The following GOLGB1 variants were observed in gnomAD, a reference collection of about 807,000 sequenced individuals.
GOLGB1 encodes the protein golgin B1.
GOLGB1 carries 174 observed loss-of-function variants against 336.9 expected under a neutral mutation model. The ratio of observed to expected loss-of-function variants is 0.52; its 90% CI spans 0.46 to 0.59. The LOEUF is 0.59. Ranked by LOEUF, GOLGB1 falls within the 20% of genes least tolerant of loss-of-function variation. The pLI is 0.00. For synonymous variants in GOLGB1, 1,208 were observed against 1,289.2 expected, an observed-to-expected ratio of 0.94 and a Z score of 1.35; for missense variants, 3,331 against 3,645.3, an observed-to-expected ratio of 0.91 and a Z score of 2.22.
chr3:121,664,825 G>C (rs1376501508), intron 21 of GOLGB1, 101 bp downstream of exon 21: 1 of 821,694 alleles, frequency 1.2e-6, no homozygotes, highest in African/African-American at 1.7e-5. Flanking sequence ...TCGCTGCTCA[G>C]TGGCTGGACT....
chr3:121,709,757 A>C (rs1240016287), intron 10 of GOLGB1, among the ~76,000 whole-genome samples: 1 of 152,194 alleles, frequency 6.6e-6, no homozygotes, highest in Admixed American at 6.5e-5. Context: ...TTAAGAAGCT[A>C]TAAAAAGAAG....
rs1436365733 is a variant in GOLGB1 at position 121,664,596 on chromosome 3, A to G, written c.9679T>C (p.Trp3227Arg). 6.2e-7 allele frequency: 1 copy of G among 1,613,924 alleles called. No homozygotes were observed. Among genetic ancestry groups the G allele is most frequent in the Admixed American group, 1.7e-5 (1 of 60,006 alleles). ...SCRRTRSGVG[W>R]KRVLRSLCHS... ...CAGAGTGAACGCAGGACTCGCTTCC[A>G]TCCAACGCCACTCCGGGTCTGAAAG... Residue 3227 changes from tryptophan to arginine, a missense_variant, in exon 22 of 22, where the codon TGG (tryptophan) becomes CGG (arginine). By Grantham distance (101) the Trp-to-Arg change is moderately radical. Coordinates refer to ENST00000614479, the MANE Select transcript of GOLGB1 (RefSeq NM_001366282.2).
At chr3:121,683,345 T>C (rs1194471331) in intron 14 of GOLGB1, among the ~76,000 whole-genome samples, 3 of 152,132 alleles carry the variant, frequency 2.0e-5, no homozygotes, top group Non-Finnish European at 4.4e-5. Context: ...AAGGGTATTG[T>C]TCCAAATAAA....
intron 5 of GOLGB1, 30 bp downstream of exon 5, chr3:121,726,883 T>C: frequency 6.5e-7 from 1 of 1,530,456 alleles, no homozygotes; most frequent in Non-Finnish European, 8.8e-7. Context: ...TTCATTAACC[T>C]AATGATTATG....
rs755131968 is a variant in GOLGB1 at position 121,714,901 on chromosome 3, G to A, written c.1364C>T (p.Ser455Phe). 19 of 1,612,318 alleles carry A rather than the reference G, an allele frequency of 1.2e-5. No homozygotes were observed. In the South Asian group the frequency reaches 2.1e-4, roughly 18 times the overall value. ...RLPLQQHETA[S>F]QTSFPDVYNE... is the part of the protein sequence containing the mutation. ...ATAAACATCTGGGAAAGAAGTCTGAGATGCTGTTTCATGTTGTTGCAAGGG... is the reference window on the plus strand; with the variant it reads ...ATAAACATCTGGGAAAGAAGTCTGAAATGCTGTTTCATGTTGTTGCAAGGG... The change falls in exon 10 of 22, where the codon TCT (serine) becomes TTT (phenylalanine). Residue 455 changes from serine (S) to phenylalanine (F), a missense_variant. Coordinates refer to ENST00000614479, the MANE Select transcript of GOLGB1 (RefSeq NM_001366282.2).
Position 121,682,163 on chromosome 3 carries a change from C to A in GOLGB1, c.8695-298G>T, listed in dbSNP as rs925212662. Among the ~76,000 whole-genome samples the A allele has an allele frequency of 2.6e-5, 4 of 152,202 alleles. No homozygotes were observed. The East Asian group carries it at 5.8e-4, about 22-fold the overall frequency. ...GTTCACTTTAGGGCTACAATTCTGA[C>A]GTGGGGTAGACTTAAGAGACCTAGA... On this transcript the variant is annotated intron_variant, in intron 14 of 21. Transcript: ENST00000614479.
intron 17 of GOLGB1, among the ~76,000 whole-genome samples, chr3:121,670,190 G>A (rs566941774): frequency 6.6e-6 from 1 of 152,186 alleles, no homozygotes; most frequent in Non-Finnish European, 1.5e-5. Context: ...AGGCTGTCAA[G>A]TTTTAAGTTT....
intron 14 of GOLGB1, among the ~76,000 whole-genome samples, chr3:121,684,362 A>G (rs1941497331): frequency 6.6e-6 from 1 of 151,678 alleles, no homozygotes; most frequent in African/African-American, 2.4e-5. Flanking sequence ...CAGAAATAAG[A>G]CAACAGAGAA....
In GOLGB1 at chr3:121,718,475, A is replaced by C; in HGVS notation, c.798T>G (p.Leu266=). 1 of 1,613,720 alleles carries C rather than the reference A, an allele frequency of 6.2e-7. No individual in the cohort carries two copies. Among genetic ancestry groups the C allele is most frequent in the Non-Finnish European group, 8.5e-7 (1 of 1,179,618 alleles). The change falls in exon 8 of 22, where the codon CTT becomes CTG. Residue 266 remains leucine, a synonymous_variant. Transcript: ENST00000614479. ...QQKLRVLQRK[L]EEHEESLVGR... ...CCACCAAGGATTCTTCGTGTTCCTC[A>C]AGCTTCCTTTGCAGCACCCTCAATT...
chr3:121,707,031 T>C (rs370951906), intron 10 of GOLGB1, among the ~76,000 whole-genome samples: 36 of 149,176 alleles, frequency 2.4e-4, no homozygotes, highest in African/African-American at 8.8e-4. Flanking sequence ...GCCAACACGG[T>C]GAAACCCCGT....
Position 121,693,656 on chromosome 3 carries a change from T to C in GOLGB1, c.6782+85A>G, listed in dbSNP as rs1239801903. ...GACATTTATGCCAAAATTAGTCCCATTGTCTAAAAGGAAACAGAAATAGTT... is the reference window on the plus strand; with the variant it reads ...GACATTTATGCCAAAATTAGTCCCACTGTCTAAAAGGAAACAGAAATAGTT... On this transcript the variant is annotated intron_variant, in intron 13 of 21. Transcript: ENST00000614479. 2.5e-5 allele frequency: 25 copies of C among 1,011,566 alleles called. 1 individual carries two copies. The highest frequency in any genetic ancestry group is 2.7e-4 in the Middle Eastern group (1 of 3,752). The allele number at this position is 1,011,566 out of a possible 1,614,324, so 62.7% of individuals were successfully genotyped here. A position where few individuals can be genotyped will look rare whatever the true frequency, so the allele number is the denominator to read the frequency against.
At chr3:121,749,402 C>G (rs1947602951) in intron 1 of GOLGB1, among the ~76,000 whole-genome samples, 1 of 152,158 alleles carries the variant, frequency 6.6e-6, no homozygotes, top group Non-Finnish European at 1.5e-5. Context: ...CAAGTCTGCG[C>G]AGGGTGACCC....
chr3:121,704,108 C>T (rs1175127957), intron 10 of GOLGB1, among the ~76,000 whole-genome samples: 1 of 146,886 alleles, frequency 6.8e-6, no homozygotes, highest in Non-Finnish European at 1.5e-5. Context: ...AATCTGAAGA[C>T]AGAAGAATAA....
chr3:121,719,622 T>C, intron 7 of GOLGB1, 24 bp downstream of exon 7: 1 of 1,579,464 alleles, frequency 6.3e-7, no homozygotes, highest in Non-Finnish European at 8.6e-7. Flanking sequence ...ATGACAGTCA[T>C]TCTACCGAGT....
Position 121,698,578 on chromosome 3 carries a change from G to A in GOLGB1, c.1945C>T (p.His649Tyr). Residue 649 changes from histidine (H) to tyrosine (Y), a missense_variant, in exon 13 of 22, where the codon CAT becomes TAT. Coordinates refer to ENST00000614479, the MANE Select transcript of GOLGB1 (RefSeq NM_001366282.2). ...ATTTCCTCAGATGTTCTACTTTGATGTTCAGTGCTCGCCTGTTCTTTTTCA... is the reference window on the plus strand; with the variant it reads ...ATTTCCTCAGATGTTCTACTTTGATATTCAGTGCTCGCCTGTTCTTTTTCA... ...AVEKEQASTEHQSRTSEEISL... is the reference protein window; with the variant it reads ...AVEKEQASTEYQSRTSEEISL... 1 of 1,613,820 alleles carries A rather than the reference G, an allele frequency of 6.2e-7. No individual in the cohort carries two copies. The highest frequency in any genetic ancestry group is 1.1e-5 in the South Asian group (1 of 91,072).
At chr3:121,740,716 G>A (rs1376759085) in intron 1 of GOLGB1, among the ~76,000 whole-genome samples, 4 of 152,222 alleles carry the variant, frequency 2.6e-5, no homozygotes, top group Non-Finnish European at 2.9e-5. Flanking sequence ...TAGGATTTGC[G>A]AGAAACAGAT....
intron 14 of GOLGB1, among the ~76,000 whole-genome samples, chr3:121,687,194 G>A (rs747341227): frequency 3.3e-5 from 5 of 152,080 alleles, no homozygotes; most frequent in Admixed American, 2.0e-4. Flanking sequence ...CCTGGGAGGC[G>A]GAGGTTGCAG....
Position 121,698,111 on chromosome 3 carries a change from A to G in GOLGB1, c.2412T>C (p.His804=), listed in dbSNP as rs191155429. The change falls in exon 13 of 22, where the codon CAT becomes CAC. Residue 804 remains histidine, a synonymous_variant. Coordinates refer to ENST00000614479, the MANE Select transcript of GOLGB1 (RefSeq NM_001366282.2). ...TAGATTTGGCTTCTATGCTGAGACT[A>G]TGGATCTGTTCAGTGAGCAGGTTGT... ...AHDNLLTEQI[H]SLSIEAKSKD... The G allele has an allele frequency of 1.9e-6, 3 of 1,613,926 alleles. No individual in the cohort carries two copies. The highest frequency in any genetic ancestry group is 2.2e-5 in the East Asian group (1 of 44,878).
intron 13 of GOLGB1, 122 bp downstream of exon 13, chr3:121,693,619 A>G (rs1324101464): frequency 1.1e-5 from 8 of 721,336 alleles, no homozygotes; most frequent in African/African-American, 3.5e-5. Flanking sequence ...GAGAGAGAAT[A>G]TATCTTCCAT....
Sources: allele counts gnomAD v4.1 joint callset (sites outside exome capture counted in the v4.1 genomes callset), GRCh38; gene constraint gnomAD v4.1.1; transcripts MANE v1.5; gene names NCBI Gene and HGNC (gene_info 2026-07-23, HGNC 2026-07-21).